MBD5: variants seen among roughly 807,000 people sequenced by gnomAD.
MBD5 encodes the protein methyl-CpG binding domain protein 5, also known as methyl-CpG-binding domain protein 5.
Under a neutral mutation model 117.3 loss-of-function variants are expected in MBD5, and 13 were observed. The ratio of observed to expected loss-of-function variants is 0.11; its 90% CI spans 0.07 to 0.18. MBD5 has a LOEUF of 0.18. Among genes scored for constraint, MBD5 ranks in the 10% least tolerant of loss-of-function variants. The pLI is 1.00. For missense variants in MBD5, 1,879 were observed against 2,093.8 expected (o/e 0.90, Z 2.00); for synonymous variants, 727 against 766.4 (o/e 0.95, Z 0.85).
intron 4 of MBD5, among the ~76,000 whole-genome samples, chr2:148,382,742 T>G (rs1445693671): frequency 6.6e-6 from 1 of 152,074 alleles, no homozygotes; most frequent in African/African-American, 2.4e-5. Context: ...GAACAGAGAT[T>G]ATAACAAACT....
chr2:148,132,331 CAT>C (rs59188623), intron 1 of MBD5, among the ~76,000 whole-genome samples: 14,304 of 144,394 alleles, frequency 0.099, 734 homozygotes, highest in South Asian at 0.14. Context: ...TATATATATA[CAT>C]ATATATATAT....
chr2:148,254,260 G>C (rs1370476508), intron 3 of MBD5, among the ~76,000 whole-genome samples: 1 of 152,162 alleles, frequency 6.6e-6, no homozygotes, highest in Non-Finnish European at 1.5e-5. Flanking sequence ...TAGGGATAAA[G>C]GTAAAACATT....
At chr2:148,294,534 G>T (rs1701603780) in intron 3 of MBD5, among the ~76,000 whole-genome samples, 1 of 66,298 alleles carries the variant, frequency 1.5e-5, no homozygotes, top group Non-Finnish European at 3.4e-5. Context: ...GATAGAGCTG[G>T]CTCCATCGCC....
At chr2:148,135,041 G>T (rs1697140356) in intron 1 of MBD5, among the ~76,000 whole-genome samples, 1 of 152,122 alleles carries the variant, frequency 6.6e-6, no homozygotes, top group South Asian at 2.1e-4. Context: ...TTTGCTGCCA[G>T]TTCTTTTCTC....
chr2:148,331,145 A>G (rs1228426719), intron 3 of MBD5, among the ~76,000 whole-genome samples: 2 of 152,186 alleles, frequency 1.3e-5, no homozygotes, highest in Non-Finnish European at 2.9e-5. Context: ...AATTTCTCCT[A>G]TAAAGTTGTA....
At chr2:148,488,331 T>C (rs1031108232) in intron 10 of MBD5, among the ~76,000 whole-genome samples, 2 of 152,206 alleles carry the variant, frequency 1.3e-5, no homozygotes, top group African/African-American at 4.8e-5. Context: ...GTGGAAATGA[T>C]TGATAACTAA....
intron 1 of MBD5, among the ~76,000 whole-genome samples, chr2:148,109,042 C>T (rs1274909440): frequency 6.6e-6 from 1 of 152,130 alleles, no homozygotes. Context: ...AATTCAAATG[C>T]CTTCGTATCT....
chr2:148,483,324 A>G lies in MBD5; in HGVS notation c.2733A>G (p.Pro911=). The G allele has an allele frequency of 3.7e-6, 6 of 1,613,976 alleles. No individual in the cohort carries two copies. The highest frequency in any genetic ancestry group is 1.3e-5 in the African/African-American group (1 of 74,998). ...PSNSTSNNHL[P]HPLNPSLLSS... is the part of the protein sequence containing the mutation. The stretch of plus-strand genomic sequence containing the variant: ...ACAGCACTTCAAACAACCATCTTCC[A>G]CACCCCTTGAACCCCAGCCTCCTCA... Residue 911 remains proline (P), a synonymous_variant, in exon 9 of 14, where the codon CCA becomes CCG. Coordinates refer to ENST00000642680, the MANE Select transcript of MBD5 (RefSeq NM_001378120.1).
Position 148,021,302 on chromosome 2 carries a change from GAGA to G in MBD5, c.-1304_-1302del, listed in dbSNP as rs550431476. ...GAGAGGGGGATTGAGCCTGAGAGAG[GAGA>G]AGGAGTTTCTTCTTCTTCGAAAACC... On this transcript the variant is annotated 5_prime_UTR_variant, in exon 1 of 14. Transcript: ENST00000642680. 1.8e-5 allele frequency: 7 copies of G among 389,438 alleles called. No individual in the cohort carries two copies. Among genetic ancestry groups the G allele is most frequent in the South Asian group, 8.1e-5 (4 of 49,344 alleles). 24.1% of individuals were successfully genotyped at this position (389,438 alleles called of 1,614,324 possible).
At chr2:148,450,920 G>T (rs1182062827) in intron 4 of MBD5, among the ~76,000 whole-genome samples, 1 of 152,186 alleles carries the variant, frequency 6.6e-6, no homozygotes, top group African/African-American at 2.4e-5. Context: ...GCACAGACAA[G>T]CATGGCTGCT....
chr2:148,201,302 G>A (rs1369205655), intron 2 of MBD5, among the ~76,000 whole-genome samples: 2 of 152,130 alleles, frequency 1.3e-5, no homozygotes, highest in Non-Finnish European at 2.9e-5. Flanking sequence ...CCTGGACCAG[G>A]TGTGTTGCAA....
chr2:148,451,382 C>T (rs1209217649), intron 4 of MBD5, among the ~76,000 whole-genome samples: 1 of 151,978 alleles, frequency 6.6e-6, no homozygotes, highest in Non-Finnish European at 1.5e-5. Context: ...GATAAGTGTG[C>T]TCATAAAGAA....
intron 1 of MBD5, among the ~76,000 whole-genome samples, chr2:148,159,094 A>G (rs1697944068): frequency 6.6e-6 from 1 of 152,200 alleles, no homozygotes; most frequent in Admixed American, 6.5e-5. Flanking sequence ...TTACAGATGG[A>G]GAAACAAAAA....
intron 3 of MBD5, among the ~76,000 whole-genome samples, chr2:148,335,669 TGATCGCACCACTGCTCTCCA>T (rs1702768000): frequency 6.6e-6 from 1 of 152,012 alleles, no homozygotes; most frequent in South Asian, 2.1e-4. Flanking sequence ...CAGTGAGCCA[TGATCGCACCACTGCTCTCCA>T]GGCTAGGTGA....
intron 1 of MBD5, among the ~76,000 whole-genome samples, chr2:148,144,132 C>G (rs567265619): frequency 6.6e-6 from 1 of 151,232 alleles, no homozygotes; most frequent in African/African-American, 2.4e-5. Context: ...TTTTAATGAT[C>G]GCCATTCTAA....
At chr2:148,125,068 A>G (rs923230595) in intron 1 of MBD5, among the ~76,000 whole-genome samples, 8 of 151,864 alleles carry the variant, frequency 5.3e-5, no homozygotes, top group Non-Finnish European at 1.2e-4. Context: ...TATATCTAAA[A>G]TTACTGTATT....
In MBD5 at chr2:148,341,392, C is replaced by T. The variant is rs533693610; in HGVS notation, c.-679-822C>T. Among the ~76,000 whole-genome samples, 13 of 151,610 alleles carry T rather than the reference C, an allele frequency of 8.6e-5. No individual in the cohort carries two copies. The South Asian group carries it at 1.0e-3, about 12-fold the overall frequency. On this transcript the variant is annotated intron_variant, in intron 3 of 13. Coordinates refer to ENST00000642680, the MANE Select transcript of MBD5 (RefSeq NM_001378120.1). ...TTTTAAGCATTAGAATTAGGCCGACCCAGATTTAAGCTGAATGTTTCTAAG... is the reference window on the plus strand; with the variant it reads ...TTTTAAGCATTAGAATTAGGCCGACTCAGATTTAAGCTGAATGTTTCTAAG...
intron 8 of MBD5, among the ~76,000 whole-genome samples, chr2:148,477,972 C>A (rs75168630): frequency 0.015 from 2,266 of 152,206 alleles, 44 homozygotes; most frequent in African/African-American, 0.053. Context: ...CTTCATTGGT[C>A]TCTTTGATAT....
chr2:148,499,399 A>T (rs1681805145), intron 11 of MBD5, among the ~76,000 whole-genome samples: 1 of 152,228 alleles, frequency 6.6e-6, no homozygotes, highest in African/African-American at 2.4e-5. Context: ...CTTAAATGAC[A>T]TGAGTAAAGA....
Sources: allele counts gnomAD v4.1 joint callset (sites outside exome capture counted in the v4.1 genomes callset), GRCh38; gene constraint gnomAD v4.1.1; transcripts MANE v1.5; gene names NCBI Gene and HGNC (gene_info 2026-07-23, HGNC 2026-07-21).